Variants in SLC16A2 observed in about 807,000 individuals in gnomAD.
The protein encoded by SLC16A2 is solute carrier family 16 member 2.
Under a neutral mutation model 27.2 loss-of-function variants are expected in SLC16A2, and 3 were observed. That is an observed-to-expected ratio of 0.11 (90% confidence interval 0.05 to 0.28). The LOEUF is 0.28. SLC16A2 is among the 10% of genes least tolerant of loss of function. The pLI, the probability that SLC16A2 is intolerant of heterozygous loss-of-function variation, is 1.00. For synonymous variants in SLC16A2, 202 were observed against 187.8 expected, an observed-to-expected ratio of 1.08 and a Z score of -0.62; for missense variants, 295 against 458.5, an observed-to-expected ratio of 0.64 and a Z score of 3.26.
chrX:74,431,868 CTAAG>C (rs1569283245), intron 1 of SLC16A2, among the ~76,000 whole-genome samples: 1 of 111,347 alleles, frequency 9.0e-6, no homozygotes, highest in African/African-American at 3.3e-5. Flanking sequence ...AAATGTTGCT[CTAAG>C]TATTTCCTCC....
chrX:74,466,402 C>A (rs1929251330), intron 1 of SLC16A2, among the ~76,000 whole-genome samples: 1 of 111,116 alleles, frequency 9.0e-6, no homozygotes, highest in African/African-American at 3.3e-5. Flanking sequence ...CTTGCAGACA[C>A]CAAAATCCAC....
At chrX:74,479,547 G>T (rs1929568309) in intron 1 of SLC16A2, among the ~76,000 whole-genome samples, 1 of 112,335 alleles carries the variant, frequency 8.9e-6, no homozygotes, top group Non-Finnish European at 1.9e-5. Context: ...TCCTTCGGAG[G>T]AAGAGAGGCG....
At chrX:74,514,862 G>T (rs1930292455) in intron 1 of SLC16A2, among the ~76,000 whole-genome samples, 1 of 111,965 alleles carries the variant, frequency 8.9e-6, no homozygotes, top group Non-Finnish European at 1.9e-5. Flanking sequence ...AGCTAAGCAG[G>T]GAACCTGGAT....
At chrX:74,509,714 C>T (rs1433799754) in intron 1 of SLC16A2, among the ~76,000 whole-genome samples, 1 of 111,173 alleles carries the variant, frequency 9.0e-6, no homozygotes, top group Non-Finnish European at 1.9e-5. Context: ...CAGGCACGTG[C>T]CACCACGCCC....
At chrX:74,478,852 T>A (rs1929548339) in intron 1 of SLC16A2, among the ~76,000 whole-genome samples, 1 of 112,281 alleles carries the variant, frequency 8.9e-6, no homozygotes, top group African/African-American at 3.2e-5. Context: ...CCGATAGATC[T>A]GCTGTTAGTC....
rs181749865 is a variant in SLC16A2 at position 74,531,279 on chromosome X, C to T, written c.1400-54C>T. The T allele has an allele frequency of 3.7e-6, 4 of 1,070,482 alleles. No individual in the cohort carries two copies. The Admixed American group carries it at 6.6e-5, about 18-fold the overall frequency. The allele number at this position is 1,070,482 out of a possible 1,213,427, so 88.2% of individuals were successfully genotyped here. A position where few individuals can be genotyped will look rare whatever the true frequency, so the allele number is the denominator to read the frequency against. On this transcript the variant is annotated intron_variant, in intron 5 of 5. Transcript: ENST00000587091. ...TGGCCCCTAGAACGGGCTGAGAGTACCTTTGGACAGTAGGGCAAAGCTGAG... is the reference window on the plus strand; with the variant it reads ...TGGCCCCTAGAACGGGCTGAGAGTATCTTTGGACAGTAGGGCAAAGCTGAG...
chrX:74,430,007 G>A (rs1054539527), intron 1 of SLC16A2, among the ~76,000 whole-genome samples: 5 of 111,959 alleles, frequency 4.5e-5, no homozygotes, highest in Non-Finnish European at 9.4e-5. Flanking sequence ...GTGGAGTTTC[G>A]TTGACATTTA....
At chrX:74,456,356 C>T in intron 1 of SLC16A2, among the ~76,000 whole-genome samples, 1 of 111,545 alleles carries the variant, frequency 9.0e-6, no homozygotes. Flanking sequence ...ATGTACCTTT[C>T]TACCTTAGTT....
In SLC16A2 at chrX:74,533,242, C is replaced by G. The variant is rs965598215; in HGVS notation, c.*1689C>G. On this transcript the variant is annotated 3_prime_UTR_variant, in exon 6 of 6. Transcript: ENST00000587091. ...AGTTCCCACTCATGATTTTCCGTTA[C>G]AAACAGGCAGCTGGGGCATGGTTGG... 1 of 112,177 alleles carries G rather than the reference C, an allele frequency of 8.9e-6. No homozygotes were observed. Among genetic ancestry groups the G allele is most frequent in the Non-Finnish European group, 1.9e-5 (1 of 53,122 alleles). The allele number at this position is 112,177 out of a possible 1,213,427, so 9.2% of individuals were successfully genotyped here.
chrX:74,497,171 C>T (rs1387849577), intron 1 of SLC16A2, among the ~76,000 whole-genome samples: 1 of 111,893 alleles, frequency 8.9e-6, no homozygotes, highest in Non-Finnish European at 1.9e-5. Flanking sequence ...CCTGTCCTCA[C>T]TTAGGTCCAT....
intron 2 of SLC16A2, among the ~76,000 whole-genome samples, chrX:74,522,967 G>A (rs762589004): frequency 9.0e-6 from 1 of 111,615 alleles, no homozygotes; most frequent in Non-Finnish European, 1.9e-5. Flanking sequence ...TGGGGCTTTG[G>A]AAAACCCAAA....
chrX:74,456,808 C>T (rs485156), intron 1 of SLC16A2, among the ~76,000 whole-genome samples: 46,099 of 110,623 alleles, frequency 0.42, 7,466 homozygotes, highest in East Asian at 0.96. Context: ...CCCTTCTGTC[C>T]GGTAAATTTC....
chrX:74,453,737 C>T (rs1479665483), intron 1 of SLC16A2, among the ~76,000 whole-genome samples: 1 of 110,940 alleles, frequency 9.0e-6, no homozygotes, highest in Admixed American at 9.6e-5. Context: ...CAGTGGTTCC[C>T]CACTCCTGGG....
chrX:74,459,803 G>A (rs1168233183), intron 1 of SLC16A2, among the ~76,000 whole-genome samples: 1 of 111,507 alleles, frequency 9.0e-6, no homozygotes, highest in Non-Finnish European at 1.9e-5. Context: ...GAAAAGATAA[G>A]GAATGTCTGG....
At chrX:74,465,331 A>C (rs1210820526) in intron 1 of SLC16A2, among the ~76,000 whole-genome samples, 2 of 111,359 alleles carry the variant, frequency 1.8e-5, no homozygotes, top group African/African-American at 3.3e-5. Flanking sequence ...ATGGGGAACC[A>C]AGCACAAAAA....
chrX:74,501,361 T>C (rs776505147), intron 1 of SLC16A2, among the ~76,000 whole-genome samples: 3 of 111,227 alleles, frequency 2.7e-5, no homozygotes, highest in East Asian at 5.7e-4. Context: ...CCAATGGACA[T>C]GCTATTTACC....
intron 1 of SLC16A2, among the ~76,000 whole-genome samples, chrX:74,459,219 TG>T (rs1929085716): frequency 9.4e-6 from 1 of 105,935 alleles, no homozygotes. Context: ...CAGGGTGTGG[TG>T]GTCCTCAGCA....
intron 1 of SLC16A2, among the ~76,000 whole-genome samples, chrX:74,479,249 G>T (rs939364232): frequency 7.2e-5 from 8 of 111,626 alleles, no homozygotes; most frequent in African/African-American, 2.6e-4. Context: ...TTCCATCACT[G>T]ATACCCTTTC....
At chrX:74,443,375 A>G (rs1362539571) in intron 1 of SLC16A2, among the ~76,000 whole-genome samples, 1 of 111,754 alleles carries the variant, frequency 8.9e-6, no homozygotes, top group Non-Finnish European at 1.9e-5. Context: ...CAGCAACTCT[A>G]TGGTAATCCT....
Sources: gnomAD v4.1 joint callset for allele counts (sites outside exome capture counted in the v4.1 genomes callset) on GRCh38, gnomAD v4.1.1 for gene constraint, MANE v1.5 for transcripts, NCBI Gene and HGNC (gene_info 2026-07-23, HGNC 2026-07-21) for gene names.